COL18A1: variants seen among roughly 807,000 people sequenced by gnomAD.
COL18A1 encodes collagen alpha-1(XVIII) chain.
Under a neutral mutation model 168.0 loss-of-function variants are expected in COL18A1, and 133 were observed. The ratio of observed to expected loss-of-function variants is 0.79; its 90% CI spans 0.69 to 0.91. The LOEUF is 0.91. Among genes scored for constraint, COL18A1 ranks in the 40% least tolerant of loss-of-function variants. COL18A1 has a pLI of 0.00. For synonymous variants in COL18A1, 949 were observed against 809.0 expected (o/e 1.17, Z -2.94); for missense variants, 2,126 against 1,925.4 (o/e 1.10, Z -1.95).
intron 2 of COL18A1, among the ~76,000 whole-genome samples, chr21:45,426,382 G>C (rs2033800675): frequency 6.6e-6 from 1 of 152,196 alleles, no homozygotes; most frequent in Non-Finnish European, 1.5e-5. Flanking sequence ...TGGGATTACA[G>C]GTGTGAGCCA....
intron 2 of COL18A1, among the ~76,000 whole-genome samples, chr21:45,451,740 G>C (rs570407666): frequency 1.3e-5 from 2 of 152,172 alleles, no homozygotes; most frequent in Non-Finnish European, 2.9e-5. Context: ...AAGGCAATAG[G>C]GTGGGGGCAC....
Position 45,492,691 on chromosome 21 carries a change from G to T in COL18A1, c.2192G>T (p.Arg731Leu). The change falls in exon 24 of 42, where the codon CGG becomes CTG. Residue 731 changes from arginine to leucine, a missense_variant. By Grantham distance (102) the Arg-to-Leu change is moderately radical (BLOSUM62 -2). Coordinates refer to ENST00000651438, the MANE Select transcript of COL18A1 (RefSeq NM_001379500.1). ...SVLSVPGPEG[R>L]PGFAGFPGPA... ...ACGCCGTCCCTCTTTCCCCAGGGCC[G>T]GCCGGGTTTCGCAGGCTTTCCCGTG... is the stretch of plus-strand genomic sequence containing the variant. The T allele has an allele frequency of 6.2e-7, 1 of 1,610,904 alleles. No homozygotes were observed. The highest frequency in any genetic ancestry group is 2.2e-5 in the East Asian group (1 of 44,864).
intron 3 of COL18A1, 84 bp downstream of exon 3, chr21:45,468,870 C>A: frequency 7.3e-7 from 1 of 1,370,078 alleles, no homozygotes; most frequent in Non-Finnish European, 9.8e-7. Context: ...AGGGACGGAG[C>A]TGTGGCCGGA....
At chr21:45,494,480 T>TCAGAGAGGCTGCCAG in intron 26 of COL18A1, 65 bp from the exon 27 acceptor site, 1 of 1,611,504 alleles carries the variant, frequency 6.2e-7, no homozygotes, top group Middle Eastern at 1.7e-4. Context: ...ACAGGGGCCC[T>TCAGAGAGGCTGCCAG]CAGAGAGGCT....
At chr21:45,405,781 G>C (rs1412333070) in intron 2 of COL18A1, among the ~76,000 whole-genome samples, 1 of 151,338 alleles carries the variant, frequency 6.6e-6, no homozygotes, top group Admixed American at 6.6e-5. Flanking sequence ...TCGGGGCGGG[G>C]CCGCGGGGTC....
intron 19 of COL18A1, 80 bp downstream of exon 19, chr21:45,489,601 C>T (rs904764239): frequency 8.1e-5 from 77 of 951,426 alleles, no homozygotes; most frequent in Middle Eastern, 2.2e-4. Context: ...GAGATCAGCT[C>T]GGGGCGGCCT....
rs1027013608 is a variant in COL18A1 at position 45,463,520 on chromosome 21, G to A, written c.107-4722G>A. Among the ~76,000 whole-genome samples, 2 of 152,198 alleles carry A rather than the reference G, an allele frequency of 1.3e-5. No homozygotes were observed. The highest frequency in any genetic ancestry group is 1.5e-5 in the Non-Finnish European group (1 of 68,030). ...CTGCCCATGCACTTGTTAATTAGTT[G>A]GGGAGATGGATTCCTGGCGCTTTCC... On this transcript the variant is annotated intron_variant, in intron 2 of 41. Coordinates refer to ENST00000651438, the MANE Select transcript of COL18A1 (RefSeq NM_001379500.1). This position sits in a 1 kb window ranked among gnomAD's most constrained non-coding sequence, Gnocchi z 4.0.
intron 9 of COL18A1, among the ~76,000 whole-genome samples, chr21:45,479,442 C>A (rs1011148936): frequency 2.4e-4 from 37 of 152,248 alleles, no homozygotes; most frequent in Middle Eastern, 6.8e-3. Context: ...GCACACACAC[C>A]ACACATTACA....
intron 2 of COL18A1, among the ~76,000 whole-genome samples, chr21:45,453,857 G>T (rs112216290): frequency 1.3e-4 from 20 of 152,318 alleles, no homozygotes; most frequent in African/African-American, 4.3e-4. Flanking sequence ...TGCCCAGGAG[G>T]TGTATATTGG....
chr21:45,468,394 C>G lies in COL18A1; in HGVS notation c.259C>G (p.Leu87Val). The stretch of plus-strand genomic sequence containing the variant: ...AGTGGCCCGGTACCACTTCCCCAGC[C>G]TCTTCTTCCGTGACTTCTCACTGCT... ...GQVARYHFPS[L>V]FFRDFSLLFH... The change falls in exon 3 of 42, where the codon CTC becomes GTC. Residue 87 changes from leucine to valine, a missense_variant. By Grantham distance (32) the Leu-to-Val change is conservative (BLOSUM62 1). Transcript: ENST00000651438. The G allele has an allele frequency of 1.2e-6, 2 of 1,614,034 alleles. No individual in the cohort carries two copies. The highest frequency in any genetic ancestry group is 1.7e-6 in the Non-Finnish European group (2 of 1,180,048).
At chr21:45,465,722 C>T (rs974057155) in intron 2 of COL18A1, among the ~76,000 whole-genome samples, 2 of 152,168 alleles carry the variant, frequency 1.3e-5, no homozygotes, top group Admixed American at 6.5e-5. Flanking sequence ...TTCAAAGGGG[C>T]AGCAGAGACT....
chr21:45,465,880 G>T (rs781239904), intron 2 of COL18A1, among the ~76,000 whole-genome samples: 13 of 152,212 alleles, frequency 8.5e-5, no homozygotes, highest in Non-Finnish European at 1.6e-4. Flanking sequence ...CACGGTGGCC[G>T]TGAGGGATGC....
At chr21:45,490,157 G>A (rs909793396) in intron 19 of COL18A1, 118 bp from the exon 20 acceptor site, 9 of 731,808 alleles carry the variant, frequency 1.2e-5, no homozygotes, top group Admixed American at 6.6e-5. Flanking sequence ...GCCCACAGGG[G>A]TGAGAGAGAG....
chr21:45,455,698 C>T, intron 2 of COL18A1: 2 of 1,614,024 alleles, frequency 1.2e-6, no homozygotes, highest in South Asian at 1.1e-5. Context: ...CTGTGCAGCC[C>T]ACAGCAGATA....
intron 2 of COL18A1, among the ~76,000 whole-genome samples, chr21:45,438,220 A>C (rs1273443110): frequency 9.8e-6 from 1 of 102,280 alleles, no homozygotes; most frequent in African/African-American, 4.8e-5. Context: ...ACACACACTC[A>C]CACACTCAGA....
At chr21:45,501,203 ATT>A (rs1463009768) in intron 32 of COL18A1, among the ~76,000 whole-genome samples, 1 of 152,018 alleles carries the variant, frequency 6.6e-6, no homozygotes, top group Non-Finnish European at 1.5e-5. Flanking sequence ...TACCAGAGAA[ATT>A]GAGTAATTCT....
At chr21:45,505,524 C>G in intron 36 of COL18A1, 93 bp downstream of exon 36, 1 of 756,800 alleles carries the variant, frequency 1.3e-6, no homozygotes, top group Non-Finnish European at 2.3e-6. Context: ...CCACGGACCC[C>G]ACAGGGAGAT....
chr21:45,427,594 C>T (rs563224968), intron 2 of COL18A1, among the ~76,000 whole-genome samples: 8 of 152,290 alleles, frequency 5.3e-5, no homozygotes, highest in Admixed American at 1.3e-4. Flanking sequence ...AGCACCACGG[C>T]GGGCGGGGAG....
At chr21:45,476,788 T>G (rs2035680475) in intron 6 of COL18A1, among the ~76,000 whole-genome samples, 1 of 151,570 alleles carries the variant, frequency 6.6e-6, no homozygotes, top group South Asian at 2.1e-4. Flanking sequence ...TGGTGTGGTG[T>G]GTGTGTTGCG....
Sources: allele counts gnomAD v4.1 joint callset (sites outside exome capture counted in the v4.1 genomes callset), GRCh38; gene constraint gnomAD v4.1.1; non-coding constraint Gnocchi (gnomAD v3.1); transcripts MANE v1.5; gene names NCBI Gene and HGNC (gene_info 2026-07-23, HGNC 2026-07-21).